CNTNAP5: variants seen among roughly 807,000 people sequenced by gnomAD.
CNTNAP5 encodes contactin associated protein family member 5.
Under a neutral mutation model 150.2 loss-of-function variants are expected in CNTNAP5, and 72 were observed. The observed-to-expected ratio is 0.48, with a 90% CI of 0.40 to 0.58. The LOEUF (loss-of-function observed/expected upper bound fraction) is 0.58. Ranked by LOEUF, CNTNAP5 falls within the 20% of genes least tolerant of loss-of-function variation. CNTNAP5 has a pLI of 0.00. For missense variants in CNTNAP5, 1,636 were observed against 1,626.2 expected, an observed-to-expected ratio of 1.01 and a Z score of -0.10; for synonymous variants, 672 against 619.8, an observed-to-expected ratio of 1.08 and a Z score of -1.25.
chr2:124,797,203 G>A (rs1371062159), intron 18 of CNTNAP5, among the ~76,000 whole-genome samples: 6 of 151,852 alleles, frequency 4.0e-5, no homozygotes, highest in East Asian at 1.9e-4. Context: ...CCACATGGCC[G>A]GCATGAAACC....
chr2:124,380,797 G>A (rs573606952), intron 3 of CNTNAP5, among the ~76,000 whole-genome samples: 1 of 152,180 alleles, frequency 6.6e-6, no homozygotes, highest in Non-Finnish European at 1.5e-5. Flanking sequence ...GGATAGAGCA[G>A]CAATCAAAAC....
chr2:124,611,874 A>G (rs1677391913), intron 12 of CNTNAP5, among the ~76,000 whole-genome samples: 1 of 152,220 alleles, frequency 6.6e-6, no homozygotes, highest in East Asian at 1.9e-4. Context: ...GGGAGTTTAC[A>G]AATACCATCT....
At chr2:124,833,199 G>A (rs7567297) in intron 19 of CNTNAP5, among the ~76,000 whole-genome samples, 7,717 of 152,036 alleles carry the variant, frequency 0.051, 558 homozygotes, top group African/African-American at 0.16. Context: ...CATGAACCAC[G>A]GAACCTGGAC....
chr2:124,863,073 G>T (rs1573670574), intron 19 of CNTNAP5, among the ~76,000 whole-genome samples: 1 of 152,286 alleles, frequency 6.6e-6, no homozygotes, highest in Non-Finnish European at 1.5e-5. Flanking sequence ...TGTATAAAAT[G>T]AAAGTGTTTT....
At chr2:124,756,752 A>G (rs1243726914) in intron 14 of CNTNAP5, among the ~76,000 whole-genome samples, 3 of 152,038 alleles carry the variant, frequency 2.0e-5, no homozygotes, top group Admixed American at 1.3e-4. Context: ...AACAACACAC[A>G]CTGGGGCCTG....
At position 124,799,251 on chromosome 2, in the gene CNTNAP5, A is replaced by G. The variant is rs1387539783; in HGVS notation, c.3217+931A>G. On this transcript the variant is annotated intron_variant, in intron 19 of 23. Coordinates refer to ENST00000682447, the MANE Select transcript of CNTNAP5 (RefSeq NM_001367498.1). ...TGTAATACGAGAAGTTGAGAGTGAT[A>G]AGCAAGGTGGAATACACTTCATGCA... Among the ~76,000 whole-genome samples, 3 of 152,192 alleles carry G rather than the reference A, an allele frequency of 2.0e-5. No individual in the cohort carries two copies. The East Asian group carries it at 5.8e-4, about 29-fold the overall frequency.
intron 1 of CNTNAP5, among the ~76,000 whole-genome samples, chr2:124,046,764 T>G (rs1681549247): frequency 2.0e-5 from 3 of 152,154 alleles, no homozygotes; most frequent in African/African-American, 7.2e-5. Flanking sequence ...ACATAGGGAT[T>G]AAAAAATGGT....
rs1683058174 is a variant in CNTNAP5, at chr2:124,101,385, C to T, written c.82+75653C>T. 2.0e-5 allele frequency among the ~76,000 whole-genome samples: 3 copies of T among 152,120 alleles called. No individual in the cohort carries two copies. In the South Asian group the frequency reaches 6.2e-4, roughly 32 times the overall value. ...AGATCCCACGCTCATTAATAAGAAT[C>T]CTTCCTTGTCTGGCTACTGTTGACC... On this transcript the variant is annotated intron_variant, in intron 1 of 23. Coordinates refer to ENST00000682447, the MANE Select transcript of CNTNAP5 (RefSeq NM_001367498.1).
rs148975608 is a variant in CNTNAP5, at chr2:124,047,510, T to C, written c.82+21778T>C. ...CACATGACCTGCATATTGTGTATAA[T>C]CATATTGGAATTCATCCCTAGGAGA... On this transcript the variant is annotated intron_variant, in intron 1 of 23. Transcript: ENST00000682447. 3.3e-5 allele frequency among the ~76,000 whole-genome samples: 5 copies of C among 152,338 alleles called. No homozygotes were observed. In the East Asian group the frequency reaches 7.7e-4, roughly 24 times the overall value.
chr2:124,133,832 C>A (rs539694291), intron 1 of CNTNAP5, among the ~76,000 whole-genome samples: 1 of 152,162 alleles, frequency 6.6e-6, no homozygotes, highest in South Asian at 2.1e-4. Flanking sequence ...CCTAGCACAG[C>A]AAATGGCAAA....
chr2:124,112,505 A>C (rs1411397071), intron 1 of CNTNAP5, among the ~76,000 whole-genome samples: 1 of 152,126 alleles, frequency 6.6e-6, no homozygotes, highest in Admixed American at 6.6e-5. Flanking sequence ...TTAGACATAG[A>C]CTTCCTTGTA....
At chr2:124,813,378 G>GC (rs1682281047) in intron 19 of CNTNAP5, among the ~76,000 whole-genome samples, 1 of 143,600 alleles carries the variant, frequency 7.0e-6, no homozygotes, top group African/African-American at 2.5e-5. Flanking sequence ...TGCCTGGCCT[G>GC]TTTTTTTTTT....
At chr2:124,653,328 T>A (rs1050963697) in intron 13 of CNTNAP5, among the ~76,000 whole-genome samples, 6 of 152,018 alleles carry the variant, frequency 3.9e-5, no homozygotes, top group Admixed American at 3.3e-4. Context: ...ACTGACTATA[T>A]ATACCATACA....
intron 19 of CNTNAP5, among the ~76,000 whole-genome samples, chr2:124,848,150 A>C (rs149226020): frequency 1.3e-5 from 2 of 152,232 alleles, no homozygotes; most frequent in African/African-American, 4.8e-5. Context: ...TTCACTTTGT[A>C]ATTGAAAATT....
At chr2:124,609,960 C>T (rs1677344863) in intron 12 of CNTNAP5, 40 bp downstream of exon 12, 2 of 1,571,880 alleles carry the variant, frequency 1.3e-6, no homozygotes, top group African/African-American at 1.4e-5. Flanking sequence ...AACCACCCCA[C>T]TTCATGGAAG....
intron 19 of CNTNAP5, among the ~76,000 whole-genome samples, chr2:124,809,232 C>T (rs533548942): frequency 6.0e-4 from 92 of 152,142 alleles, no homozygotes; most frequent in African/African-American, 2.2e-3. Context: ...AGTACTTTCA[C>T]CAGCCTTCCA....
At chr2:124,748,714 C>T (rs1169753017) in intron 14 of CNTNAP5, among the ~76,000 whole-genome samples, 3 of 152,134 alleles carry the variant, frequency 2.0e-5, no homozygotes, top group Non-Finnish European at 4.4e-5. Context: ...AAGGACCAGG[C>T]ATCTGTCTTC....
intron 1 of CNTNAP5, among the ~76,000 whole-genome samples, chr2:124,072,056 A>G (rs1277561351): frequency 6.6e-6 from 1 of 151,986 alleles, no homozygotes; most frequent in Non-Finnish European, 1.5e-5. Context: ...ATTTATCCCC[A>G]TGATGCAAGC....
chr2:124,651,577 A>G (rs1573523476), intron 13 of CNTNAP5, among the ~76,000 whole-genome samples: 1 of 152,260 alleles, frequency 6.6e-6, no homozygotes, highest in Non-Finnish European at 1.5e-5. Context: ...AAAGGGGCAG[A>G]TCTAACTCTT....
Sources: allele counts gnomAD v4.1 joint callset (sites outside exome capture counted in the v4.1 genomes callset), GRCh38; gene constraint gnomAD v4.1.1; transcripts MANE v1.5; gene names NCBI Gene and HGNC (gene_info 2026-07-23, HGNC 2026-07-21).